EVC2: variants seen among roughly 807,000 people sequenced by gnomAD.
The protein encoded by EVC2 is limbin.
A neutral mutation model predicts 149.3 loss-of-function variants in EVC2; 148 were observed. That is an observed-to-expected ratio of 0.99 (90% CI 0.87 to 1.14). EVC2 has a LOEUF of 1.14. Among genes scored for constraint, EVC2 ranks in the 50% most tolerant of loss-of-function variants. EVC2 has a pLI of 0.00. For missense variants in EVC2, 1,854 were observed against 1,627.3 expected (o/e 1.14, Z -2.40); for synonymous variants, 776 against 649.9 (o/e 1.19, Z -2.95).
Position 5,618,649 on chromosome 4 carries a change from T to G in EVC2, c.2535A>C (p.Glu845Asp). 6.2e-7 allele frequency: 1 copy of G among 1,609,562 alleles called. No individual in the cohort carries two copies. Among genetic ancestry groups the G allele is most frequent in the Non-Finnish European group, 8.5e-7 (1 of 1,177,980 alleles). ...CCTGCCTCATCCTGAGCAGCTCCTC[T>G]TCAGACAGGGAGAAGACTGAGGAGC... Reference protein sequence around the residue: ...KLCSSVFSLSEEELLRMRQEV... With the variant: ...KLCSSVFSLSDEELLRMRQEV... The change falls in exon 15 of 22, where the codon GAA (glutamate) becomes GAC (aspartate). Residue 845 changes from glutamate to aspartate, a missense_variant. Coordinates refer to ENST00000344408, the MANE Select transcript of EVC2 (RefSeq NM_147127.5). The surrounding 1 kb of genome is among the most constrained non-coding windows in gnomAD (Gnocchi z 4.4).
At chr4:5,557,805 C>A (rs967434178), downstream of EVC2, among the ~76,000 whole-genome samples, 3 of 151,982 alleles carry the variant, frequency 2.0e-5, no homozygotes, top group African/African-American at 7.2e-5. Flanking sequence ...TTAAAAATAC[C>A]ATTTAAAATA....
intron 7 of EVC2, 51 bp downstream of exon 7, chr4:5,681,209 A>T (rs939755391): frequency 1.9e-6 from 3 of 1,608,858 alleles, no homozygotes; most frequent in East Asian, 4.5e-5. Context: ...GGCAGGACCC[A>T]CACAGCACAG....
intron 5 of EVC2, among the ~76,000 whole-genome samples, chr4:5,688,517 G>A (rs1202371508): frequency 1.3e-5 from 2 of 152,124 alleles, no homozygotes; most frequent in African/African-American, 4.8e-5. Context: ...GGGAAACTAA[G>A]TTCTGAAGCC....
chr4:5,568,578 C>A lies in EVC2; in HGVS notation c.3423G>T (p.Arg1141=). ...MAMVPGATLR[R]LLSVVLPTAS... ...CTGTGGGCAGTACCACACTCAGGAG[C>A]CGGCGAAGCGTGGCCCCGGGCACCA... Residue 1141 remains arginine, a synonymous_variant, in exon 20 of 22, where the codon CGG becomes CGT. Transcript: ENST00000344408. 1.2e-6 allele frequency: 2 copies of A among 1,607,554 alleles called. No individual in the cohort carries two copies. Among genetic ancestry groups the A allele is most frequent in the Non-Finnish European group, 8.5e-7 (1 of 1,179,510 alleles).
chr4:5,623,050 G>T, intron 13 of EVC2, 59 bp from the exon 14 acceptor site: 2 of 1,507,566 alleles, frequency 1.3e-6, no homozygotes, highest in African/African-American at 1.4e-5. Context: ...CAGTCCTTTG[G>T]CTGAAACACT....
At chr4:5,562,010 A>G (rs558463131), downstream of EVC2, among the ~76,000 whole-genome samples, 149 of 152,264 alleles carry the variant, frequency 9.8e-4, no homozygotes, top group African/African-American at 3.5e-3. The surrounding 1 kb of genome is among the most constrained non-coding windows in gnomAD (Gnocchi z 4.3). Flanking sequence ...TACTGGCCTC[A>G]GGCACTGCTG....
chr4:5,545,708 T>C (rs4689252), intron 21 of EVC2, among the ~76,000 whole-genome samples: 149,983 of 152,268 alleles, frequency 0.98, 73,900 homozygotes, highest in East Asian at 1. Context: ...CCCTTGCAAG[T>C]TGGGGTGGTC....
intron 7 of EVC2, among the ~76,000 whole-genome samples, chr4:5,666,607 T>A (rs1719300871): frequency 6.6e-6 from 1 of 152,218 alleles, no homozygotes; most frequent in Admixed American, 6.5e-5. Context: ...TACTTTTTCT[T>A]AAAGTCATCA....
chr4:5,705,157 A>G (rs1722055707), intron 1 of EVC2, among the ~76,000 whole-genome samples: 1 of 152,228 alleles, frequency 6.6e-6, no homozygotes, highest in Admixed American at 6.5e-5. Flanking sequence ...ACTTGGCATC[A>G]CAACCAACCT....
chr4:5,529,578 A>C, the EVC2 span, among the ~76,000 whole-genome samples: 1 of 152,196 alleles, frequency 6.6e-6, no homozygotes, highest in Non-Finnish European at 1.5e-5. The surrounding 1 kb of genome is among the most constrained non-coding windows in gnomAD (Gnocchi z 4.5). Flanking sequence ...ACATATCTTA[A>C]AACATCCTCT....
rs150629148 is a variant in EVC2 at position 5,697,241 on chromosome 4, A to G, written c.283+352T>C. ...GACTTCTGCTTTCCAGTACTGTAAG[A>G]GAATAAACGTGTGTGGTCGAAGCCA... On this transcript the variant is annotated intron_variant, in intron 2 of 21. Transcript: ENST00000344408. Among the ~76,000 whole-genome samples, 370 of 152,338 alleles carry G rather than the reference A, an allele frequency of 2.4e-3. 3 individuals carry two copies. The highest frequency in any genetic ancestry group is 8.6e-3 in the African/African-American group (357 of 41,572).
intron 16 of EVC2, among the ~76,000 whole-genome samples, chr4:5,591,297 G>A (rs569493935): frequency 5.9e-5 from 9 of 152,126 alleles, no homozygotes; most frequent in African/African-American, 1.4e-4. Context: ...TTCCTAGCCC[G>A]TCAGAAGGGC....
In EVC2 at chr4:5,569,582, A is replaced by G. The variant is rs1242300927; in HGVS notation, c.3361-942T>C. On this transcript the variant is annotated intron_variant, in intron 19 of 21. Transcript: ENST00000344408. This position sits in a 1 kb window ranked among gnomAD's most constrained non-coding sequence, Gnocchi z 4.8. ...TGGAGAGGAAAAGAGGCCCCAGGAC[A>G]GAGCTATTGGGTGCCCAAAGGCCAT... 6.6e-6 allele frequency among the ~76,000 whole-genome samples: 1 copy of G among 152,096 alleles called. No homozygotes were observed. The highest frequency in any genetic ancestry group is 1.5e-5 in the Non-Finnish European group (1 of 68,022).
chr4:5,669,015 T>C (rs1267727101), intron 7 of EVC2, among the ~76,000 whole-genome samples: 2 of 152,198 alleles, frequency 1.3e-5, no homozygotes, highest in South Asian at 2.1e-4. Context: ...ACAGAAAAGA[T>C]GGCCATGTGA....
intron 19 of EVC2, among the ~76,000 whole-genome samples, chr4:5,570,334 T>C (rs1297722039): frequency 6.6e-6 from 1 of 152,210 alleles, no homozygotes; most frequent in Non-Finnish European, 1.5e-5. Flanking sequence ...CCAGTCAATA[T>C]GGGGACAGGC....
intron 7 of EVC2, among the ~76,000 whole-genome samples, chr4:5,667,568 C>T (rs964498591): frequency 5.9e-5 from 9 of 152,098 alleles, no homozygotes; most frequent in African/African-American, 2.2e-4. Flanking sequence ...ATCCCACTCA[C>T]AGGTATGGTT....
intron 16 of EVC2, among the ~76,000 whole-genome samples, chr4:5,587,579 T>C (rs1050373764): frequency 6.6e-6 from 1 of 152,204 alleles, no homozygotes. Flanking sequence ...TGTGGTTCTG[T>C]AGCGGGAAGA....
In EVC2 at chr4:5,637,329, G is replaced by A. The variant is rs911421305; in HGVS notation, c.1470+3185C>T. Among the ~76,000 whole-genome samples, 36 of 152,296 alleles carry A rather than the reference G, an allele frequency of 2.4e-4. No individual in the cohort carries two copies. Among genetic ancestry groups the A allele is most frequent in the Admixed American group, 1.5e-3 (23 of 15,282 alleles). ...GGGGCAGTGTGCGCAGTGGTTGGGG[G>A]CATGCTGCTGGACATGAGGCTGACT... is the stretch of plus-strand genomic sequence containing the variant. On this transcript the variant is annotated intron_variant, in intron 10 of 21. Coordinates refer to ENST00000344408, the MANE Select transcript of EVC2 (RefSeq NM_147127.5). This position sits in a 1 kb window ranked among gnomAD's most constrained non-coding sequence, Gnocchi z 4.4.
intron 16 of EVC2, among the ~76,000 whole-genome samples, chr4:5,594,334 G>C (rs1245340644): frequency 1.3e-5 from 2 of 152,344 alleles, no homozygotes; most frequent in South Asian, 2.1e-4. Context: ...AGTAGGGGCA[G>C]ACTGACACCT....
Sources: allele counts gnomAD v4.1 joint callset (sites outside exome capture counted in the v4.1 genomes callset), GRCh38; gene constraint gnomAD v4.1.1; non-coding constraint Gnocchi (gnomAD v3.1); transcripts MANE v1.5; gene names NCBI Gene and HGNC (gene_info 2026-07-23, HGNC 2026-07-21).